Variants in LRGUK observed in about 807,000 individuals in gnomAD.
LRGUK encodes the protein leucine rich repeats and guanylate kinase domain containing, also known as leucine-rich repeat and guanylate kinase domain-containing protein.
In LRGUK, 65 loss-of-function variants were observed where a neutral mutation model predicts 76.0. The observed-to-expected ratio is 0.85, with a 90% CI of 0.70 to 1.05. LRGUK has a LOEUF of 1.05. LRGUK is among the 50% of genes least tolerant of loss of function. The pLI, the probability that LRGUK is intolerant of heterozygous loss-of-function variation, is 0.00. For synonymous variants in LRGUK, 268 were observed against 265.6 expected (o/e 1.01, Z -0.09); for missense variants, 758 against 732.8 (o/e 1.03, Z -0.40).
chr7:134,275,689 A>C, the LRGUK span, among the ~76,000 whole-genome samples: 1 of 152,108 alleles, frequency 6.6e-6, no homozygotes, highest in African/African-American at 2.4e-5. Context: ...ATTGAATGAG[A>C]AGTTTAGGAG....
intron 15 of LRGUK, among the ~76,000 whole-genome samples, chr7:134,219,027 G>C (rs1348343179): frequency 6.6e-6 from 1 of 152,084 alleles, no homozygotes; most frequent in African/African-American, 2.4e-5. Flanking sequence ...TGAAGAACTT[G>C]GTTCTTTTTG....
intron 6 of LRGUK, among the ~76,000 whole-genome samples, chr7:134,161,754 G>A (rs1327377565): frequency 1.4e-5 from 2 of 144,826 alleles, no homozygotes; most frequent in Non-Finnish European, 3.0e-5. Flanking sequence ...GCAGTGGCAC[G>A]ATCTGGGCTC....
chr7:134,145,112 A>G (rs1324209726), intron 4 of LRGUK, among the ~76,000 whole-genome samples: 1 of 152,192 alleles, frequency 6.6e-6, no homozygotes. Context: ...GAGAATTACA[A>G]GCAAATATAT....
At chr7:134,214,809 C>T (rs1010604256), downstream of LRGUK, among the ~76,000 whole-genome samples, 5 of 150,684 alleles carry the variant, frequency 3.3e-5, no homozygotes, top group Admixed American at 1.3e-4. Flanking sequence ...CACACACACA[C>T]ACACACTTTG....
intron 16 of LRGUK, among the ~76,000 whole-genome samples, chr7:134,240,681 C>T (rs1275249204): frequency 6.6e-6 from 1 of 152,154 alleles, no homozygotes; most frequent in Non-Finnish European, 1.5e-5. Flanking sequence ...GGCCAACATT[C>T]ATATTCAGGA....
At chr7:134,162,768 A>C (rs2116930688) in intron 6 of LRGUK, among the ~76,000 whole-genome samples, 1 of 138,196 alleles carries the variant, frequency 7.2e-6, no homozygotes, top group South Asian at 2.3e-4. Context: ...TGGAGGTTGC[A>C]GTGAGCCGAG....
intron 3 of LRGUK, among the ~76,000 whole-genome samples, chr7:134,140,418 G>A (rs1022649691): frequency 1.3e-5 from 2 of 152,010 alleles, no homozygotes; most frequent in Non-Finnish European, 2.9e-5. Context: ...TTTATATAAG[G>A]TATTTGTTAT....
intron 4 of LRGUK, among the ~76,000 whole-genome samples, chr7:134,147,343 G>A (rs1383163552): frequency 1.3e-5 from 2 of 151,666 alleles, no homozygotes; most frequent in African/African-American, 4.8e-5. Flanking sequence ...GCTGAGGCAG[G>A]AGAATTGCTT....
At chr7:134,177,021 A>G in exon 9 of LRGUK, 3 of 1,602,880 alleles carry the variant, frequency 1.9e-6, no homozygotes, top group South Asian at 2.2e-5. Flanking sequence ...TGCTTCTGCG[A>G]TTAACAGAAT....
At chr7:134,129,260 CCCTCCCTCCCTT>C (rs1432451331) in intron 1 of LRGUK, among the ~76,000 whole-genome samples, 1 of 131,792 alleles carries the variant, frequency 7.6e-6, no homozygotes, top group Non-Finnish European at 1.6e-5. Flanking sequence ...CTCTCTCTCT[CCCTCCCTCCCTT>C]CCTCCCTCCC....
intron 7 of LRGUK, among the ~76,000 whole-genome samples, chr7:134,170,893 ATCTG>A (rs1422896240): frequency 1.8e-4 from 27 of 152,176 alleles, no homozygotes; most frequent in Non-Finnish European, 3.7e-4. Context: ...GGTTCCATTG[ATCTG>A]TCTGTTGATT....
intron 11 of LRGUK, among the ~76,000 whole-genome samples, chr7:134,191,288 G>C (rs1800232323): frequency 6.6e-6 from 1 of 152,188 alleles, no homozygotes; most frequent in Admixed American, 6.6e-5. Context: ...AGGAGAGAAG[G>C]ACAGCCTGTG....
chr7:134,252,004 GGGAAACAAGGTCTCCTA>G (rs1330128592), intron 18 of LRGUK, among the ~76,000 whole-genome samples: 1 of 152,006 alleles, frequency 6.6e-6, no homozygotes, highest in Non-Finnish European at 1.5e-5. Flanking sequence ...GCAAGAGATT[GGGAAACAAGGTCTCCTA>G]GGAGACTTTG....
chr7:134,218,836 G>T (rs1480111474), intron 15 of LRGUK, among the ~76,000 whole-genome samples: 2 of 152,128 alleles, frequency 1.3e-5, no homozygotes, highest in African/African-American at 4.8e-5. Flanking sequence ...TAACATAAAA[G>T]ATCTAAGCCA....
intron 16 of LRGUK, among the ~76,000 whole-genome samples, chr7:134,231,755 T>C (rs13240585): frequency 4.5e-4 from 37 of 82,158 alleles, no homozygotes; most frequent in Non-Finnish European, 5.2e-4. Flanking sequence ...GTTCTCCCTC[T>C]CTTCCTCCCT....
chr7:134,245,109 A>G (rs1173079238), intron 16 of LRGUK, among the ~76,000 whole-genome samples: 2 of 150,752 alleles, frequency 1.3e-5, no homozygotes, highest in Non-Finnish European at 3.0e-5. Context: ...TGGGTGCAGC[A>G]CACCAACATG....
chr7:134,182,662 T>A (rs1799803561), intron 10 of LRGUK, among the ~76,000 whole-genome samples: 1 of 152,218 alleles, frequency 6.6e-6, no homozygotes, highest in Non-Finnish European at 1.5e-5. Flanking sequence ...TGTGGTTTTT[T>A]AAAATTTTAT....
chr7:134,237,027 G>C (rs1236795147), intron 16 of LRGUK, among the ~76,000 whole-genome samples: 3 of 149,924 alleles, frequency 2.0e-5, no homozygotes, highest in Non-Finnish European at 4.4e-5. Context: ...TACAGGATCA[G>C]CAGGCTAAAT....
At chr7:134,135,729 C>T (rs564657167) in intron 1 of LRGUK, among the ~76,000 whole-genome samples, 1 of 152,326 alleles carries the variant, frequency 6.6e-6, no homozygotes, top group South Asian at 2.1e-4. Flanking sequence ...AATCTTGGCT[C>T]ACTGCAAGCT....
Sources: gnomAD v4.1 joint callset for allele counts (sites outside exome capture counted in the v4.1 genomes callset) on GRCh38, gnomAD v4.1.1 for gene constraint, MANE v1.5 for transcripts, NCBI Gene and HGNC (gene_info 2026-07-23, HGNC 2026-07-21) for gene names.